AKAP6: variants seen among roughly 807,000 people sequenced by gnomAD.
AKAP6 encodes the protein A-kinase anchor protein 6.
AKAP6 carries 58 observed loss-of-function variants against 188.5 expected under a neutral mutation model. That is an observed-to-expected ratio of 0.31 (90% confidence interval 0.25 to 0.38). The LOEUF is 0.38. Ranked by LOEUF, AKAP6 falls within the 10% of genes least tolerant of loss-of-function variation. The probability of loss-of-function intolerance (pLI) is 1.00; values close to 1 mark genes in which losing one functional copy is unlikely to be tolerated. For synonymous variants in AKAP6, 989 were observed against 998.6 expected (o/e 0.99, Z 0.18); for missense variants, 2,710 against 2,740.0 (o/e 0.99, Z 0.24).
intron 2 of AKAP6, among the ~76,000 whole-genome samples, chr14:32,450,095 G>A (rs1269593132): frequency 3.9e-5 from 6 of 152,154 alleles, no homozygotes; most frequent in African/African-American, 1.4e-4. Flanking sequence ...CTACTTACTA[G>A]AAGTTGGACA....
chr14:32,636,678 A>T (rs1887505000), intron 7 of AKAP6, among the ~76,000 whole-genome samples: 1 of 152,134 alleles, frequency 6.6e-6, no homozygotes, highest in African/African-American at 2.4e-5. Context: ...ATGAATAAAA[A>T]TTAGTCAGGT....
chr14:32,591,613 G>T (rs1885488058), intron 5 of AKAP6, among the ~76,000 whole-genome samples: 1 of 151,286 alleles, frequency 6.6e-6, no homozygotes, highest in Non-Finnish European at 1.5e-5. Flanking sequence ...CAGGAAGAAG[G>T]AGGATTTTTT....
intron 5 of AKAP6, among the ~76,000 whole-genome samples, chr14:32,587,364 A>C (rs1885297809): frequency 6.6e-6 from 1 of 152,188 alleles, no homozygotes; most frequent in Non-Finnish European, 1.5e-5. Context: ...TGAGGAATCA[A>C]AGGTTAGGCA....
At chr14:32,650,270 G>A (rs1364406908) in intron 7 of AKAP6, among the ~76,000 whole-genome samples, 4 of 152,096 alleles carry the variant, frequency 2.6e-5, no homozygotes, top group Non-Finnish European at 4.4e-5. Flanking sequence ...CCAACATAAC[G>A]CATAGCGGTT....
In AKAP6 at chr14:32,836,526, A is replaced by ACAT. The variant is rs1227542121; in HGVS notation, c.*6722_*6724dup. The ACAT allele has an allele frequency of 2.0e-5, 3 of 152,150 alleles. No individual in the cohort carries two copies. The highest frequency in any genetic ancestry group is 7.2e-5 in the African/African-American group (3 of 41,436). The allele number at this position is 152,150 out of a possible 1,614,324, so 9.4% of individuals were successfully genotyped here. ...ATAGACACTTCCAGGCTTTTGCCAA[A>ACAT]CATTAGTAAACAATTTCCAGTGAAT... On this transcript the variant is annotated 3_prime_UTR_variant, in exon 14 of 14. Coordinates refer to ENST00000280979, the MANE Select transcript of AKAP6 (RefSeq NM_004274.5).
intron 12 of AKAP6, among the ~76,000 whole-genome samples, chr14:32,816,125 G>A (rs1384429180): frequency 6.6e-6 from 1 of 152,172 alleles, no homozygotes; most frequent in East Asian, 1.9e-4. Flanking sequence ...CAAACTCAGA[G>A]TTCTCTTAAA....
chr14:32,806,539 C>T (rs1424438462), intron 12 of AKAP6, among the ~76,000 whole-genome samples: 3 of 151,936 alleles, frequency 2.0e-5, no homozygotes, highest in Non-Finnish European at 4.4e-5. Flanking sequence ...TAACCAGGGG[C>T]GCTGGTGTGT....
chr14:32,362,928 G>A (rs1260964347), intron 1 of AKAP6, among the ~76,000 whole-genome samples: 3 of 152,172 alleles, frequency 2.0e-5, no homozygotes, highest in African/African-American at 4.8e-5. Context: ...GAGAGCAGTA[G>A]AGAGAGCCAG....
intron 11 of AKAP6, among the ~76,000 whole-genome samples, chr14:32,758,721 G>T (rs1205403809): frequency 6.6e-6 from 1 of 152,072 alleles, no homozygotes; most frequent in Non-Finnish European, 1.5e-5. Flanking sequence ...CAACAAGAGT[G>T]AAACTCCATC....
At chr14:32,414,919 G>A (rs537835788) in intron 1 of AKAP6, among the ~76,000 whole-genome samples, 137 of 152,240 alleles carry the variant, frequency 9.0e-4, no homozygotes, top group African/African-American at 3.2e-3. Flanking sequence ...ACTAAATTTG[G>A]ATGCCTGTTT....
At chr14:32,333,588 T>G (rs1886599037) in intron 1 of AKAP6, among the ~76,000 whole-genome samples, 5 of 152,178 alleles carry the variant, frequency 3.3e-5, no homozygotes, top group Admixed American at 3.3e-4. Flanking sequence ...TTTGTATAGG[T>G]ACATATAGCT....
intron 4 of AKAP6, among the ~76,000 whole-genome samples, chr14:32,560,460 G>A (rs1427968510): frequency 6.6e-6 from 1 of 152,158 alleles, no homozygotes; most frequent in African/African-American, 2.4e-5. Flanking sequence ...TAGCACCACC[G>A]TGAGGCTGTA....
chr14:32,792,313 G>C (rs2033635555), intron 12 of AKAP6, among the ~76,000 whole-genome samples: 3 of 152,234 alleles, frequency 2.0e-5, no homozygotes, highest in Admixed American at 2.0e-4. Context: ...ATGGTTTGTA[G>C]TTCTCCCTGA....
chr14:32,609,814 G>A (rs1409442569), intron 7 of AKAP6, among the ~76,000 whole-genome samples: 1 of 151,678 alleles, frequency 6.6e-6, no homozygotes, highest in Non-Finnish European at 1.5e-5. Context: ...TGGTTCCACA[G>A]GCTGCCCAAG....
At chr14:32,765,724 AC>A (rs1311095174) in intron 11 of AKAP6, among the ~76,000 whole-genome samples, 2 of 150,710 alleles carry the variant, frequency 1.3e-5, no homozygotes, top group Non-Finnish European at 3.0e-5. Flanking sequence ...AAAAAAAAAA[AC>A]CTACAAGTTT....
intron 1 of AKAP6, among the ~76,000 whole-genome samples, chr14:32,383,616 T>TTAAATA (rs1888438966): frequency 1.3e-5 from 2 of 152,180 alleles, no homozygotes; most frequent in Non-Finnish European, 2.9e-5. Flanking sequence ...TCATGAGTAA[T>TTAAATA]TCTGCATATC....
intron 8 of AKAP6, among the ~76,000 whole-genome samples, chr14:32,686,097 C>T (rs959072449): frequency 1.3e-5 from 2 of 152,188 alleles, no homozygotes; most frequent in African/African-American, 2.4e-5. Flanking sequence ...TGATAGAGTA[C>T]TATTCAGCCA....
chr14:32,792,250 T>C (rs1318163125), intron 12 of AKAP6, among the ~76,000 whole-genome samples: 3 of 152,228 alleles, frequency 2.0e-5, no homozygotes, highest in Non-Finnish European at 4.4e-5. Flanking sequence ...TTCCTATCCA[T>C]GAGCATGGAA....
chr14:32,797,161 A>T (rs1237448416), intron 12 of AKAP6, among the ~76,000 whole-genome samples: 3 of 152,190 alleles, frequency 2.0e-5, no homozygotes, highest in African/African-American at 7.2e-5. Flanking sequence ...AAAAAGGAAC[A>T]CTTTTACACT....
Sources: allele counts gnomAD v4.1 joint callset (sites outside exome capture counted in the v4.1 genomes callset), GRCh38; gene constraint gnomAD v4.1.1; transcripts MANE v1.5; gene names NCBI Gene and HGNC (gene_info 2026-07-23, HGNC 2026-07-21).